Variants in FMN1 observed in about 807,000 individuals in gnomAD.
FMN1 encodes the protein formin 1.
FMN1 carries 110 observed loss-of-function variants against 132.4 expected under a neutral mutation model. The observed-to-expected ratio is 0.83, with a 90% CI of 0.71 to 0.97. The LOEUF is 0.97. Among genes scored for constraint, FMN1 ranks in the 50% least tolerant of loss-of-function variants. FMN1 has a pLI of 0.00. For missense variants in FMN1, 1,792 were observed against 1,705.3 expected (o/e 1.05, Z -0.90); for synonymous variants, 722 against 651.7 (o/e 1.11, Z -1.64).
chr15:33,078,290 CCAT>C lies in FMN1; in HGVS notation c.2043+10506_2043+10508del, dbSNP rs534585029. 1.1e-3 allele frequency among the ~76,000 whole-genome samples: 168 copies of C among 152,288 alleles called. 1 individual carries two copies. Among genetic ancestry groups the C allele is most frequent in the African/African-American group, 4.0e-3 (166 of 41,552 alleles). On this transcript the variant is annotated intron_variant, in intron 5 of 20. Coordinates refer to ENST00000616417, the MANE Select transcript of FMN1 (RefSeq NM_001277313.2). ...CCCCACAGGAGCTAAATAAATGTGA[CCAT>C]CATTATTATGGAGCATGTGCAGGTG...
At chr15:33,057,247 A>G (rs1442919159) in intron 6 of FMN1, among the ~76,000 whole-genome samples, 1 of 152,190 alleles carries the variant, frequency 6.6e-6, no homozygotes, top group Non-Finnish European at 1.5e-5. Context: ...GGAAAGGGAA[A>G]TTGTAGCAAT....
intron 4 of FMN1, among the ~76,000 whole-genome samples, chr15:33,101,772 T>A (rs912306388): frequency 2.0e-5 from 3 of 152,116 alleles, no homozygotes; most frequent in African/African-American, 7.2e-5. Context: ...CTTCAACAAC[T>A]TCTTGTTGCA....
intron 7 of FMN1, among the ~76,000 whole-genome samples, chr15:32,977,588 A>G (rs2032313950): frequency 6.6e-6 from 1 of 152,184 alleles, no homozygotes; most frequent in Non-Finnish European, 1.5e-5. Flanking sequence ...TATGTCTGAA[A>G]TGAGAGGTTT....
At chr15:33,019,993 A>C (rs983298371) in intron 6 of FMN1, among the ~76,000 whole-genome samples, 2 of 152,186 alleles carry the variant, frequency 1.3e-5, no homozygotes, top group Non-Finnish European at 2.9e-5. Context: ...AGGCACCGAG[A>C]GCGAGCGAGG....
intron 20 of FMN1, among the ~76,000 whole-genome samples, chr15:32,775,140 T>A (rs2056375830): frequency 1.3e-5 from 2 of 152,172 alleles, no homozygotes; most frequent in Admixed American, 6.6e-5. Context: ...TGAGAATGGA[T>A]CCTTAGCTGC....
At chr15:33,160,297 C>T (rs1964837032) in intron 3 of FMN1, among the ~76,000 whole-genome samples, 2 of 152,200 alleles carry the variant, frequency 1.3e-5, no homozygotes, top group South Asian at 4.1e-4. Context: ...ATGAAAACCA[C>T]AACCCACAGG....
chr15:32,890,298 T>C (rs888378354), intron 15 of FMN1, among the ~76,000 whole-genome samples: 4 of 152,226 alleles, frequency 2.6e-5, no homozygotes, highest in Non-Finnish European at 5.9e-5. Flanking sequence ...AGTAGTGGGA[T>C]TGCTAGATCA....
intron 4 of FMN1, among the ~76,000 whole-genome samples, chr15:33,108,731 T>G (rs2039582580): frequency 6.6e-6 from 1 of 152,134 alleles, no homozygotes; most frequent in African/African-American, 2.4e-5. Flanking sequence ...AAGAGGGATT[T>G]AATTGCCTTT....
chr15:32,936,213 G>A (rs937068638), intron 9 of FMN1, among the ~76,000 whole-genome samples: 2 of 152,040 alleles, frequency 1.3e-5, no homozygotes, highest in African/African-American at 4.8e-5. Flanking sequence ...ATACATCTGT[G>A]TCTTTAGGAT....
chr15:32,813,160 C>T (rs73386825), intron 17 of FMN1, among the ~76,000 whole-genome samples: 2,539 of 152,150 alleles, frequency 0.017, 85 homozygotes, highest in African/African-American at 0.058. Context: ...ATAGCAATTA[C>T]GACACCATTC....
chr15:33,156,816 A>C (rs2140292160), intron 3 of FMN1, among the ~76,000 whole-genome samples: 1 of 152,332 alleles, frequency 6.6e-6, no homozygotes, highest in Non-Finnish European at 1.5e-5. Flanking sequence ...ATGAATTCTC[A>C]GACAAACTGA....
intron 9 of FMN1, among the ~76,000 whole-genome samples, chr15:32,948,958 T>A (rs751844127): frequency 2.0e-5 from 3 of 152,040 alleles, no homozygotes; most frequent in Non-Finnish European, 2.9e-5. Flanking sequence ...TTAATTTCTT[T>A]GATTTTTTTG....
At chr15:33,170,652 G>C (rs1029840487) in intron 3 of FMN1, among the ~76,000 whole-genome samples, 1 of 151,678 alleles carries the variant, frequency 6.6e-6, no homozygotes, top group South Asian at 2.1e-4. Flanking sequence ...AATGTTTGAT[G>C]TCACTAATCA....
intron 6 of FMN1, among the ~76,000 whole-genome samples, chr15:33,022,690 C>A (rs536617762): frequency 6.6e-5 from 10 of 152,330 alleles, no homozygotes; most frequent in African/African-American, 2.2e-4. Flanking sequence ...AAGCTCTGGC[C>A]TGCTGTGCCC....
chr15:33,015,664 C>A (rs1596474073), intron 6 of FMN1, among the ~76,000 whole-genome samples: 1 of 151,912 alleles, frequency 6.6e-6, no homozygotes, highest in East Asian at 1.9e-4. Context: ...GGCCTTTACC[C>A]ACTACCTCAC....
intron 4 of FMN1, among the ~76,000 whole-genome samples, chr15:33,092,927 C>T (rs1483933861): frequency 2.0e-5 from 3 of 152,204 alleles, no homozygotes; most frequent in Non-Finnish European, 2.9e-5. Flanking sequence ...CACCCATTTA[C>T]TCATTCATAC....
chr15:33,032,089 A>G (rs936867037), intron 6 of FMN1, among the ~76,000 whole-genome samples: 5 of 152,342 alleles, frequency 3.3e-5, no homozygotes, highest in African/African-American at 1.2e-4. Flanking sequence ...CGAACCAGGA[A>G]TTGTGCTAAG....
At chr15:33,100,049 C>T (rs2039235714) in intron 4 of FMN1, among the ~76,000 whole-genome samples, 1 of 152,048 alleles carries the variant, frequency 6.6e-6, no homozygotes, top group Non-Finnish European at 1.5e-5. Flanking sequence ...AGGAATGCTT[C>T]CAGTAGGGAA....
intron 6 of FMN1, among the ~76,000 whole-genome samples, chr15:33,041,473 C>A (rs343897): frequency 0.86 from 113,871 of 132,442 alleles, 48,065 homozygotes; most frequent in East Asian, 0.95. Flanking sequence ...CACCAGTAAA[C>A]AAAAAAAAAA....
Sources: allele counts gnomAD v4.1 joint callset (sites outside exome capture counted in the v4.1 genomes callset), GRCh38; gene constraint gnomAD v4.1.1; transcripts MANE v1.5; gene names NCBI Gene and HGNC (gene_info 2026-07-23, HGNC 2026-07-21).